The following DENND5B variants were observed in gnomAD, a reference collection of about 807,000 sequenced individuals.
DENND5B encodes DENN domain-containing protein 5B.
In DENND5B, 34 loss-of-function variants were observed where a neutral mutation model predicts 140.6. The ratio of observed to expected loss-of-function variants is 0.24; its 90% CI spans 0.18 to 0.32. DENND5B has a LOEUF of 0.32. Among genes scored for constraint, DENND5B ranks in the 10% least tolerant of loss-of-function variants. DENND5B has a pLI of 1.00. For synonymous variants in DENND5B, 551 were observed against 562.1 expected (o/e 0.98, Z 0.28); for missense variants, 1,142 against 1,560.2 (o/e 0.73, Z 4.52).
chr12:31,533,470 T>C (rs188977902), intron 1 of DENND5B, among the ~76,000 whole-genome samples: 2 of 152,340 alleles, frequency 1.3e-5, no homozygotes, highest in East Asian at 1.9e-4. Flanking sequence ...AGCCACTGTG[T>C]GGTTTCAGCC....
intron 1 of DENND5B, among the ~76,000 whole-genome samples, chr12:31,550,226 C>T (rs1487387472): frequency 9.2e-6 from 1 of 109,092 alleles, no homozygotes; most frequent in East Asian, 3.6e-4. Context: ...CCCCCCACCC[C>T]ACAACAGTCC....
At chr12:31,483,690 G>A (rs6487992) in intron 2 of DENND5B, among the ~76,000 whole-genome samples, 82,790 of 151,440 alleles carry the variant, frequency 0.55, 23,086 homozygotes, top group East Asian at 0.82. Flanking sequence ...CGCCTGCTTC[G>A]TCCTCTCAAA....
intron 4 of DENND5B, among the ~76,000 whole-genome samples, chr12:31,455,612 A>G (rs1377695435): frequency 1.3e-5 from 2 of 152,236 alleles, no homozygotes; most frequent in Non-Finnish European, 2.9e-5. Flanking sequence ...CTCAATAAGT[A>G]TTACATGATA....
chr12:31,482,670 C>A (rs1248217516), intron 2 of DENND5B, among the ~76,000 whole-genome samples: 1 of 151,934 alleles, frequency 6.6e-6, no homozygotes, highest in Non-Finnish European at 1.5e-5. Flanking sequence ...CCTCAAACTC[C>A]TGGGTAAAAG....
chr12:31,436,102 G>GC (rs1208233410), intron 7 of DENND5B, among the ~76,000 whole-genome samples: 2 of 149,812 alleles, frequency 1.3e-5, no homozygotes, highest in African/African-American at 2.5e-5. Context: ...GCTGCCTAAA[G>GC]CCCCCCCACT....
chr12:31,563,401 G>C (rs1437714134), intron 1 of DENND5B, among the ~76,000 whole-genome samples: 1 of 152,072 alleles, frequency 6.6e-6, no homozygotes, highest in African/African-American at 2.4e-5. Flanking sequence ...AACCTCCTTT[G>C]GGGGTAAAAA....
intron 4 of DENND5B, among the ~76,000 whole-genome samples, chr12:31,452,998 T>G (rs1297950708): frequency 6.6e-6 from 1 of 152,194 alleles, no homozygotes; most frequent in East Asian, 1.9e-4. Flanking sequence ...TCTTTGCCAC[T>G]CCACTGCTCT....
At chr12:31,495,401 CAG>C (rs1260085122) in intron 2 of DENND5B, among the ~76,000 whole-genome samples, 8 of 9,446 alleles carry the variant, frequency 8.5e-4, no homozygotes, top group African/African-American at 6.9e-3. Context: ...TTTTTTGAGA[CAG>C]AGTCTCGCTC....
At chr12:31,437,537 G>C (rs1471997347) in intron 7 of DENND5B, among the ~76,000 whole-genome samples, 1 of 152,120 alleles carries the variant, frequency 6.6e-6, no homozygotes, top group African/African-American at 2.4e-5. Flanking sequence ...ATAACAAACT[G>C]TATTTCCTTT....
intron 3 of DENND5B, among the ~76,000 whole-genome samples, 169 bp downstream of exon 3, chr12:31,479,420 G>C (rs944938874): frequency 1.3e-5 from 2 of 152,156 alleles, no homozygotes; most frequent in Admixed American, 1.3e-4. Context: ...ACCTCAAAGA[G>C]AAACAGCAGT....
chr12:31,402,397 T>C (rs1053479683), intron 15 of DENND5B, 101 bp downstream of exon 15: 9 of 1,405,306 alleles, frequency 6.4e-6, no homozygotes, highest in Non-Finnish European at 8.6e-6. Context: ...TGAGTGTTCC[T>C]CTATTTTATT....
intron 19 of DENND5B, among the ~76,000 whole-genome samples, chr12:31,391,492 G>A (rs1488546961): frequency 6.6e-6 from 1 of 152,088 alleles, no homozygotes; most frequent in African/African-American, 2.4e-5. Flanking sequence ...TGTATTGTTT[G>A]TTTCCCACAC....
rs1399408004 is a variant in DENND5B, at chr12:31,387,225, A to G, written c.*378T>C. Reference sequence around the variant, plus strand: ...AAAAAAAAAAGCCCGACTGGGTTGCACTATATTTACATGTTTACTGGCTTC... The same window carrying G: ...AAAAAAAAAAGCCCGACTGGGTTGCGCTATATTTACATGTTTACTGGCTTC... On this transcript the variant is annotated 3_prime_UTR_variant, in exon 21 of 21. Transcript: ENST00000389082. 2 of 161,502 alleles carry G rather than the reference A, an allele frequency of 1.2e-5. No homozygotes were observed. The highest frequency in any genetic ancestry group is 2.7e-5 in the Non-Finnish European group (2 of 74,100). The allele number at this position is 161,502 out of a possible 1,614,324, so 10.0% of individuals were successfully genotyped here.
chr12:31,467,605 A>G (rs1945335415), intron 3 of DENND5B, among the ~76,000 whole-genome samples: 1 of 152,134 alleles, frequency 6.6e-6, no homozygotes, highest in Admixed American at 6.5e-5. Context: ...TAGGCAACAG[A>G]GTGAGACCTT....
chr12:31,578,196 G>A (rs959497593), intron 1 of DENND5B, among the ~76,000 whole-genome samples: 16 of 147,048 alleles, frequency 1.1e-4, no homozygotes, highest in African/African-American at 2.8e-4. Flanking sequence ...TTGTTTGTTC[G>A]TCTTTAGCTC....
At chr12:31,557,708 G>A (rs1439525857) in intron 1 of DENND5B, among the ~76,000 whole-genome samples, 1 of 150,926 alleles carries the variant, frequency 6.6e-6, no homozygotes, top group Non-Finnish European at 1.5e-5. Flanking sequence ...CTACCCTTTA[G>A]GTATTTTAGA....
In DENND5B at chr12:31,462,096, C is replaced by A. The variant is rs995619678; in HGVS notation, c.905-1715G>T. Among the ~76,000 whole-genome samples, 4 of 152,106 alleles carry A rather than the reference C, an allele frequency of 2.6e-5. No homozygotes were observed. In the South Asian group the frequency reaches 8.3e-4, roughly 32 times the overall value. The stretch of plus-strand genomic sequence containing the variant: ...GGTGAAAATCTGTTTATAGGAATAA[C>A]TTCTAGAACAAACACCAGGTGGCCT... On this transcript the variant is annotated intron_variant, in intron 3 of 20. Transcript: ENST00000389082.
At chr12:31,533,621 G>A (rs1011836730) in intron 1 of DENND5B, among the ~76,000 whole-genome samples, 1 of 152,158 alleles carries the variant, frequency 6.6e-6, no homozygotes, top group Non-Finnish European at 1.5e-5. Flanking sequence ...GCCCAAATCA[G>A]CAGGATTAGG....
chr12:31,551,406 T>C (rs2139246316), intron 1 of DENND5B, among the ~76,000 whole-genome samples: 1 of 152,316 alleles, frequency 6.6e-6, no homozygotes, highest in African/African-American at 2.4e-5. Flanking sequence ...GGCTCTGCTC[T>C]GTTCCATTGA....
Sources: allele counts gnomAD v4.1 joint callset (sites outside exome capture counted in the v4.1 genomes callset), GRCh38; gene constraint gnomAD v4.1.1; transcripts MANE v1.5; gene names NCBI Gene and HGNC (gene_info 2026-07-23, HGNC 2026-07-21).